The following OTOF variants were observed in gnomAD, a reference collection of about 807,000 sequenced individuals.
OTOF encodes the protein otoferlin.
OTOF carries 218 observed loss-of-function variants against 236.8 expected under a neutral mutation model. The ratio of observed to expected loss-of-function variants is 0.92; its 90% CI spans 0.82 to 1.03. OTOF has a LOEUF of 1.03. Ranked by LOEUF, OTOF falls within the 50% of genes least tolerant of loss-of-function variation. The probability of loss-of-function intolerance (pLI) is 0.00; values close to 1 mark genes in which losing one functional copy is unlikely to be tolerated. For synonymous variants in OTOF, 1,041 were observed against 1,072.5 expected (o/e 0.97, Z 0.57); for missense variants, 2,590 against 2,694.4 (o/e 0.96, Z 0.86).
rs952555742 is a variant in OTOF at position 26,461,630 on chromosome 2, G to A, written c.5533+66C>T. The A allele has an allele frequency of 4.4e-6, 7 of 1,602,828 alleles. No individual in the cohort carries two copies. The highest frequency in any genetic ancestry group is 2.7e-5 in the African/African-American group (2 of 74,796). Reference sequence around the variant, plus strand: ...CCAAGGCAGGGCTCTCCCTGTCCCCGCCAACCCGGCCCCTGCCTCTTCTCA... The same window carrying A: ...CCAAGGCAGGGCTCTCCCTGTCCCCACCAACCCGGCCCCTGCCTCTTCTCA... On this transcript the variant is annotated intron_variant, in intron 43 of 46. Transcript: ENST00000272371. This position sits in a 1 kb window ranked among gnomAD's most constrained non-coding sequence, Gnocchi z 6.2.
rs1665360381 is a variant in OTOF, at chr2:26,477,384, C to T, written c.2406+32G>A. 1 of 1,568,610 alleles carries T rather than the reference C, an allele frequency of 6.4e-7. No individual in the cohort carries two copies. Among genetic ancestry groups the T allele is most frequent in the African/African-American group, 1.4e-5 (1 of 73,960 alleles). ...ACACCTTCTCACAACCAGGCCCTCC[C>T]TCCAGCCCCCGCCGTCCAGTTGCGT... On this transcript the variant is annotated intron_variant, in intron 20 of 46. Transcript: ENST00000272371. This position sits in a 1 kb window ranked among gnomAD's most constrained non-coding sequence, Gnocchi z 4.7.
rs114615578 is a variant in OTOF, at chr2:26,547,051, G to C, written c.80-9277C>G. Among the ~76,000 whole-genome samples the C allele has an allele frequency of 5.1e-3, 782 of 152,288 alleles. 8 individuals are homozygous for C. Among genetic ancestry groups the C allele is most frequent in the African/African-American group, 0.017 (716 of 41,554 alleles). ...GCACAGTGTTGAACAGAAGTGGTGA[G>C]AGTAGAAAACTTTGCCTGACTCATG... On this transcript the variant is annotated intron_variant, in intron 1 of 46. Transcript: ENST00000272371.
intron 3 of OTOF, among the ~76,000 whole-genome samples, chr2:26,522,195 C>CA (rs911246456): frequency 2.0e-5 from 3 of 152,226 alleles, no homozygotes; most frequent in Non-Finnish European, 2.9e-5. Context: ...GTTCACCCCC[C>CA]AACCTCTCTC....
At chr2:26,519,160 G>C (rs373360142) in intron 3 of OTOF, 51 bp from the exon 4 acceptor site, 1 of 1,222,530 alleles carries the variant, frequency 8.2e-7, no homozygotes, top group Non-Finnish European at 1.2e-6. Context: ...ACCAGGGTGA[G>C]GAGCAAGACT....
At chr2:26,519,942 G>T (rs761775344) in intron 3 of OTOF, among the ~76,000 whole-genome samples, 1 of 152,198 alleles carries the variant, frequency 6.6e-6, no homozygotes, top group Non-Finnish European at 1.5e-5. Flanking sequence ...AAGGGCATGG[G>T]TGGTGCTTTT....
At position 26,503,758 on chromosome 2, in the gene OTOF, G is replaced by T. The variant is rs754998217; in HGVS notation, c.583+14C>A. ...AGGCGCGGGGCTGCGGGGCTCACGC[G>T]GCACCTGTCCTACCTGGTCTTTGGG... On this transcript the variant is annotated intron_variant, in intron 6 of 46. Coordinates refer to ENST00000272371, the MANE Select transcript of OTOF (RefSeq NM_194248.3). 6.2e-6 allele frequency: 10 copies of T among 1,611,292 alleles called. No homozygotes were observed. In the African/African-American group the frequency reaches 9.3e-5, roughly 15 times the overall value.
rs192562884 is a variant in OTOF, at chr2:26,463,923, C to T, written c.5103+41G>A. 1.3e-4 allele frequency: 207 copies of T among 1,613,328 alleles called. 2 individuals are homozygous for T. In the East Asian group the frequency reaches 4.4e-3, roughly 34 times the overall value. On this transcript the variant is annotated intron_variant, in intron 40 of 46. Transcript: ENST00000272371. ...GACTCAGGTTGGGGATCCCTGGTCC[C>T]CAATACCCAAGAACCCCAGTCTTGG... is the stretch of plus-strand genomic sequence containing the variant.
chr2:26,554,409 C>T (rs1667536712), intron 1 of OTOF, among the ~76,000 whole-genome samples: 1 of 151,940 alleles, frequency 6.6e-6, no homozygotes, highest in Non-Finnish European at 1.5e-5. Context: ...ACAGTGAATC[C>T]CTCAAAGACA....
At chr2:26,482,045 A>G (rs932026108) in intron 14 of OTOF, among the ~76,000 whole-genome samples, 4 of 152,228 alleles carry the variant, frequency 2.6e-5, no homozygotes, top group Admixed American at 1.3e-4. Flanking sequence ...TATCATATAT[A>G]TATACACACA....
Position 26,519,122 on chromosome 2 carries a change from G to C in OTOF, c.228-13C>G. On this transcript the variant is annotated splice_polypyrimidine_tract_variant and intron_variant, in intron 3 of 46. Transcript: ENST00000272371. The stretch of plus-strand genomic sequence containing the variant: ...GGTCCCGATGAGCCTGGGGATGGCA[G>C]AGGGGGCACGGTGGTAACATGGAAG... 2.6e-6 allele frequency: 4 copies of C among 1,543,892 alleles called. No homozygotes were observed. Among genetic ancestry groups the C allele is most frequent in the Non-Finnish European group, 3.6e-6 (4 of 1,123,180 alleles).
chr2:26,489,598 A>G, intron 10 of OTOF, 80 bp downstream of exon 10: 1 of 1,227,412 alleles, frequency 8.1e-7, no homozygotes, highest in Non-Finnish European at 1.2e-6. Flanking sequence ...GGGTCTAGAC[A>G]GAGGGGGCCC....
At chr2:26,530,839 C>G (rs1027880165) in intron 2 of OTOF, among the ~76,000 whole-genome samples, 33 of 152,274 alleles carry the variant, frequency 2.2e-4, no homozygotes, top group African/African-American at 7.7e-4. Context: ...GGAGACCGAT[C>G]AAGCCGGCAC....
rs1361768914 is a variant in OTOF, at chr2:26,465,817, G to T, written c.4654C>A (p.Pro1552Thr). Reference sequence around the variant, plus strand: ...GCCACCGTCAGCATGGATTCCATGGGGAAGGAGGCCTCGATGTCAAAGGAC... The same window carrying T: ...GCCACCGTCAGCATGGATTCCATGGTGAAGGAGGCCTCGATGTCAAAGGAC... ...GKSFDIEASF[P>T]MESMLTVAVY... The change falls in exon 38 of 47, where the codon CCC becomes ACC. Residue 1552 changes from proline to threonine, a missense_variant. Coordinates refer to ENST00000272371, the MANE Select transcript of OTOF (RefSeq NM_194248.3). 1.2e-6 allele frequency: 2 copies of T among 1,614,120 alleles called. No homozygotes were observed. The highest frequency in any genetic ancestry group is 8.5e-7 in the Non-Finnish European group (1 of 1,180,054).
At chr2:26,525,148 G>A (rs959717039) in intron 3 of OTOF, among the ~76,000 whole-genome samples, 2 of 152,216 alleles carry the variant, frequency 1.3e-5, no homozygotes, top group Non-Finnish European at 2.9e-5. Context: ...AAAAGCAGCT[G>A]CCTGAATGGT....
chr2:26,526,499 A>G (rs1049174145), intron 3 of OTOF, among the ~76,000 whole-genome samples: 2 of 152,294 alleles, frequency 1.3e-5, no homozygotes, highest in Non-Finnish European at 2.9e-5. Flanking sequence ...AGATGGATGG[A>G]TGGATGAATG....
intron 39 of OTOF, 25 bp downstream of exon 39, chr2:26,464,844 G>A (rs1219320142): frequency 1.3e-6 from 2 of 1,597,114 alleles, no homozygotes; most frequent in Admixed American, 1.7e-5. Flanking sequence ...GAGGGGGCAG[G>A]CGGCTGCATC....
intron 5 of OTOF, among the ~76,000 whole-genome samples, chr2:26,505,693 G>A (rs986254904): frequency 6.6e-6 from 1 of 152,190 alleles, no homozygotes; most frequent in Admixed American, 6.5e-5. Flanking sequence ...TATTTTTACT[G>A]CATCTCAGGT....
chr2:26,510,690 G>C lies in OTOF; in HGVS notation c.509+5728C>G, dbSNP rs552728920. On this transcript the variant is annotated intron_variant, in intron 5 of 46. Transcript: ENST00000272371. ...CAGAGACGCTGTTGCGTCTGCCCTCGCCTGGGACACCTACTTGTGCTCGTC... is the reference window on the plus strand; with the variant it reads ...CAGAGACGCTGTTGCGTCTGCCCTCCCCTGGGACACCTACTTGTGCTCGTC... 5 of 1,287,500 alleles carry C rather than the reference G, an allele frequency of 3.9e-6. No individual in the cohort carries two copies. In the South Asian group the frequency reaches 6.2e-5, roughly 16 times the overall value. The allele number at this position is 1,287,500 out of a possible 1,614,324, so 79.8% of individuals were successfully genotyped here.
chr2:26,510,533 G>T (rs1455188861), intron 5 of OTOF, among the ~76,000 whole-genome samples: 1 of 151,086 alleles, frequency 6.6e-6, no homozygotes, highest in African/African-American at 2.4e-5. Context: ...CCTCACCCCC[G>T]TGGCCAGGTG....
Sources: allele counts gnomAD v4.1 joint callset (sites outside exome capture counted in the v4.1 genomes callset), GRCh38; gene constraint gnomAD v4.1.1; non-coding constraint Gnocchi (gnomAD v3.1); transcripts MANE v1.5; gene names NCBI Gene and HGNC (gene_info 2026-07-23, HGNC 2026-07-21).